BABAM2: variants seen among roughly 807,000 people sequenced by gnomAD.
The protein encoded by BABAM2 is BRISC and BRCA1 A complex member 2, also known as BRISC and BRCA1-A complex member 2.
A neutral mutation model predicts 54.7 loss-of-function variants in BABAM2; 31 were observed. The observed-to-expected ratio is 0.57, with a 90% CI of 0.43 to 0.77. The LOEUF is 0.77. Among genes scored for constraint, BABAM2 ranks in the 30% least tolerant of loss-of-function variants. BABAM2 has a pLI of 0.00. For synonymous variants in BABAM2, 167 were observed against 162.9 expected (o/e 1.03, Z -0.19); for missense variants, 364 against 455.8 (o/e 0.80, Z 1.83).
At chr2:28,035,522 G>A (rs1002447200) in intron 5 of BABAM2, among the ~76,000 whole-genome samples, 2 of 152,130 alleles carry the variant, frequency 1.3e-5, no homozygotes, top group Non-Finnish European at 2.9e-5. Flanking sequence ...TTTGAAAAGG[G>A]TGTAGTGTGG....
chr2:28,165,529 CTTTT>C (rs1192641957), intron 7 of BABAM2, among the ~76,000 whole-genome samples: 1 of 72,254 alleles, frequency 1.4e-5, no homozygotes, highest in African/African-American at 5.7e-5. Flanking sequence ...TTTTTCCTTG[CTTTT>C]TTTTTTTTTT....
At chr2:28,119,132 A>C (rs931433868) in intron 6 of BABAM2, among the ~76,000 whole-genome samples, 2 of 152,184 alleles carry the variant, frequency 1.3e-5, no homozygotes, top group African/African-American at 4.8e-5. Context: ...GTAGCCTTGT[A>C]GTATAGGTTG....
At chr2:28,003,618 T>C (rs536139114) in intron 4 of BABAM2, among the ~76,000 whole-genome samples, 2 of 152,076 alleles carry the variant, frequency 1.3e-5, no homozygotes, top group African/African-American at 2.4e-5. Flanking sequence ...AAGCCAATTC[T>C]AGTGTTATAG....
At chr2:28,191,421 T>G (rs1369329794) in intron 7 of BABAM2, among the ~76,000 whole-genome samples, 1 of 152,200 alleles carries the variant, frequency 6.6e-6, no homozygotes, top group East Asian at 1.9e-4. Flanking sequence ...AGCATACATC[T>G]ACACAAAGAC....
chr2:28,192,945 G>T (rs904150697), intron 7 of BABAM2, among the ~76,000 whole-genome samples: 5 of 151,916 alleles, frequency 3.3e-5, no homozygotes, highest in African/African-American at 1.2e-4. Flanking sequence ...GGCCGAGATG[G>T]GTGGATCGCC....
chr2:27,933,575 T>C (rs1001226088), intron 3 of BABAM2, among the ~76,000 whole-genome samples: 8 of 151,754 alleles, frequency 5.3e-5, no homozygotes, highest in Non-Finnish European at 1.2e-4. Context: ...TTCAAGCAAT[T>C]CTCCTGCCTC....
chr2:28,186,845 G>A (rs1014679749), intron 7 of BABAM2, among the ~76,000 whole-genome samples: 7 of 149,026 alleles, frequency 4.7e-5, no homozygotes, highest in South Asian at 2.1e-4. Flanking sequence ...TTGCTCTGTC[G>A]CCCAGGCTGG....
chr2:28,076,038 C>T (rs944341758), intron 6 of BABAM2, among the ~76,000 whole-genome samples: 5 of 151,958 alleles, frequency 3.3e-5, no homozygotes, highest in Non-Finnish European at 5.9e-5. Flanking sequence ...CTAAGGTGGG[C>T]GGAGCACTTG....
intron 7 of BABAM2, among the ~76,000 whole-genome samples, chr2:28,164,850 A>G (rs2147825193): frequency 6.6e-6 from 1 of 152,284 alleles, no homozygotes; most frequent in Middle Eastern, 3.4e-3. Context: ...ATAACTCCAG[A>G]TCCCTTCATG....
At chr2:28,101,453 A>G (rs1167313467) in intron 6 of BABAM2, among the ~76,000 whole-genome samples, 1 of 152,154 alleles carries the variant, frequency 6.6e-6, no homozygotes, top group Non-Finnish European at 1.5e-5. Flanking sequence ...AATTCTTGTC[A>G]CTGAGATGAT....
Position 27,991,379 on chromosome 2 carries a change from G to T in BABAM2, c.300+3292G>T, listed in dbSNP as rs78425495. Reference sequence around the variant, plus strand: ...GGAGACAGTTCAAAAGTTTTTTTAAGTAACAGCTTTATTGAGACAATTTAT... The same window carrying T: ...GGAGACAGTTCAAAAGTTTTTTTAATTAACAGCTTTATTGAGACAATTTAT... On this transcript the variant is annotated intron_variant, in intron 4 of 11. Coordinates refer to ENST00000379624, the MANE Select transcript of BABAM2 (RefSeq NM_199191.3). Among the ~76,000 whole-genome samples the T allele has an allele frequency of 4.4e-3, 676 of 152,204 alleles. 2 individuals carry two copies. The highest frequency in any genetic ancestry group is 0.015 in the African/African-American group (638 of 41,548).
rs113845122 is a variant in BABAM2 at position 28,298,296 on chromosome 2, GTT to G, written c.935-40_935-39del. ...GTCAAAAAAAAAAATCTTAAGATGT[GTT>G]TATGCTCTAACTTTCTTTTTCTTTC... is the stretch of plus-strand genomic sequence containing the variant. On this transcript the variant is annotated intron_variant, in intron 10 of 11. Coordinates refer to ENST00000379624, the MANE Select transcript of BABAM2 (RefSeq NM_199191.3). The G allele has an allele frequency of 8.5e-4, 1,352 of 1,598,744 alleles. 11 individuals are homozygous for G. The African/African-American group carries it at 0.016, about 19-fold the overall frequency.
In BABAM2 at chr2:27,890,816, C is replaced by G. The variant is rs1286765855; in HGVS notation, c.-51C>G. On this transcript the variant is annotated 5_prime_UTR_variant, in exon 1 of 12. Coordinates refer to ENST00000379624, the MANE Select transcript of BABAM2 (RefSeq NM_199191.3). This position sits in a 1 kb window ranked among gnomAD's most constrained non-coding sequence, Gnocchi z 4.8. ...CGGGTACCTGTACCCCACGTAGTCG[C>G]CGGTTACCGATCGGACTAAGTTCCA... 1 of 152,556 alleles carries G rather than the reference C, an allele frequency of 6.6e-6. No homozygotes were observed. The highest frequency in any genetic ancestry group is 1.5e-5 in the Non-Finnish European group (1 of 68,034). The allele number at this position is 152,556 out of a possible 1,614,324, so 9.5% of individuals were successfully genotyped here.
At chr2:28,099,709 T>G (rs945765850) in intron 6 of BABAM2, among the ~76,000 whole-genome samples, 3 of 152,218 alleles carry the variant, frequency 2.0e-5, no homozygotes, top group Non-Finnish European at 4.4e-5. Flanking sequence ...CATAACATTC[T>G]TACCTATTTT....
At chr2:28,170,618 T>A (rs990536874) in intron 7 of BABAM2, among the ~76,000 whole-genome samples, 1 of 152,140 alleles carries the variant, frequency 6.6e-6, no homozygotes, top group Non-Finnish European at 1.5e-5. Flanking sequence ...TATCTTTATG[T>A]TTGATTGATA....
intron 7 of BABAM2, among the ~76,000 whole-genome samples, chr2:28,191,382 A>G (rs1676890397): frequency 6.6e-6 from 1 of 152,216 alleles, no homozygotes; most frequent in African/African-American, 2.4e-5. Flanking sequence ...CAGCCATTCT[A>G]CTGCAGGTAC....
chr2:28,206,022 AAAG>A (rs1173139332), intron 7 of BABAM2, among the ~76,000 whole-genome samples: 10 of 152,306 alleles, frequency 6.6e-5, no homozygotes, highest in African/African-American at 2.2e-4. Flanking sequence ...ACTGACGTTG[AAAG>A]AAGGATAAAA....
At chr2:28,306,788 C>G (rs1183941500) in intron 11 of BABAM2, among the ~76,000 whole-genome samples, 1 of 151,776 alleles carries the variant, frequency 6.6e-6, no homozygotes, top group Non-Finnish European at 1.5e-5. Flanking sequence ...CCTCCACCTC[C>G]TGGGTTCAAG....
At chr2:28,152,413 C>T (rs1672137839) in intron 7 of BABAM2, among the ~76,000 whole-genome samples, 1 of 152,162 alleles carries the variant, frequency 6.6e-6, no homozygotes, top group Admixed American at 6.5e-5. Context: ...AGAGTTCCCT[C>T]AACTTCAAGG....
Sources: gnomAD v4.1 joint callset for allele counts (sites outside exome capture counted in the v4.1 genomes callset) on GRCh38, gnomAD v4.1.1 for gene constraint, Gnocchi (gnomAD v3.1) non-coding constraint, MANE v1.5 for transcripts, NCBI Gene and HGNC (gene_info 2026-07-23, HGNC 2026-07-21) for gene names.